Variants in SPG11 observed in about 807,000 individuals in gnomAD.
The protein encoded by SPG11 is spatacsin.
Under a neutral mutation model 274.0 loss-of-function variants are expected in SPG11, and 222 were observed. The observed-to-expected ratio is 0.81, with a 90% CI of 0.73 to 0.91. The LOEUF is 0.91. Ranked by LOEUF, SPG11 falls within the 40% of genes least tolerant of loss-of-function variation. The probability of loss-of-function intolerance (pLI) is 0.00; values close to 1 mark genes in which losing one functional copy is unlikely to be tolerated. For synonymous variants in SPG11, 1,144 were observed against 1,039.7 expected (o/e 1.10, Z -1.93); for missense variants, 3,114 against 2,872.7 (o/e 1.08, Z -1.92).
intron 7 of SPG11, among the ~76,000 whole-genome samples, chr15:44,640,559 A>C (rs889767745): frequency 3.3e-5 from 5 of 152,318 alleles, no homozygotes; most frequent in African/African-American, 1.2e-4. Flanking sequence ...GGCACCCCTG[A>C]AGAATAAGGG....
Position 44,652,200 on chromosome 15 carries a change from G to C in SPG11, c.936C>G (p.Gly312=), listed in dbSNP as rs771082349. The change falls in exon 5 of 40, where the codon GGC becomes GGG. Residue 312 remains glycine, a synonymous_variant. Coordinates refer to ENST00000261866, the MANE Select transcript of SPG11 (RefSeq NM_025137.4). ...AGTTAACAGGATCATCTTCATCTACGCCCTTAGGTCCTTGAATAGGAAGAT... is the reference window on the plus strand; with the variant it reads ...AGTTAACAGGATCATCTTCATCTACCCCCTTAGGTCCTTGAATAGGAAGAT... ...LEDLPIQGPK[G]VDEDDPVNSA... is the part of the protein sequence containing the mutation. 6 of 1,613,978 alleles carry C rather than the reference G, an allele frequency of 3.7e-6. No individual in the cohort carries two copies. Among genetic ancestry groups the C allele is most frequent in the Non-Finnish European group, 4.2e-6 (5 of 1,179,930 alleles).
chr15:44,563,076 C>G lies in SPG11; in HGVS notation c.*45G>C, dbSNP rs760183643. 8 of 1,580,058 alleles carry G rather than the reference C, an allele frequency of 5.1e-6. No individual in the cohort carries two copies. The highest frequency in any genetic ancestry group is 7.0e-6 in the Non-Finnish European group (8 of 1,149,768). On this transcript the variant is annotated 3_prime_UTR_variant, in exon 40 of 40. Coordinates refer to ENST00000261866, the MANE Select transcript of SPG11 (RefSeq NM_025137.4). The stretch of plus-strand genomic sequence containing the variant: ...GCATTCTTCTTCTCATCACATCTGT[C>G]AGAATCTGCTAACAGTACAAGAAAA...
rs1157164793 is a variant in SPG11, at chr15:44,584,529, G to A, written c.5151C>T (p.His1717=). The A allele has an allele frequency of 7.4e-6, 12 of 1,612,068 alleles. No individual in the cohort carries two copies. Among genetic ancestry groups the A allele is most frequent in the Non-Finnish European group, 1.0e-5 (12 of 1,180,014 alleles). The change falls in exon 30 of 40, where the codon CAC becomes CAT. Residue 1717 remains histidine, a synonymous_variant. Transcript: ENST00000261866. ...EITQEMQTLK[H]IEQWSLKQAR... ...CTTGTTTTAGTGACCACTGTTCAAT[G>A]TGTTTTAGGGTCTGCATTTCCTGTG...
In SPG11 at chr15:44,564,641, G is replaced by A; in HGVS notation, c.7057C>T (p.Gln2353Ter). ...AAGTCTCCTTTAAGAATCACTTGCT[G>A]GTATAAAATTTCAGCCCAATCTGGA... is the stretch of plus-strand genomic sequence containing the variant. ...FVPDWAEILY[Q>*]QVILKGDFNY... The change falls in exon 39 of 40, where the codon CAG (glutamine) becomes TAG (stop). Residue 2353 changes from glutamine (Q) to a stop codon, truncating the protein, a stop_gained. Coordinates refer to ENST00000261866, the MANE Select transcript of SPG11 (RefSeq NM_025137.4). LOFTEE classifies it high-confidence loss of function. 2.5e-6 allele frequency: 4 copies of A among 1,614,006 alleles called. No homozygotes were observed. Among genetic ancestry groups the A allele is most frequent in the Non-Finnish European group, 3.4e-6 (4 of 1,179,890 alleles).
Position 44,572,684 on chromosome 15 carries a change from G to C in SPG11, c.6342C>G (p.Cys2114Trp), listed in dbSNP as rs577055377. 6.2e-7 allele frequency: 1 copy of C among 1,614,118 alleles called. No individual in the cohort carries two copies. The highest frequency in any genetic ancestry group is 8.5e-7 in the Non-Finnish European group (1 of 1,180,010). ...GTAAGAAAAAGGTCAATAACTTACT[G>C]CAAGACAGTTCCCCATGGGGAACGG... is the stretch of plus-strand genomic sequence containing the variant. ...ISSVPHGELSCTTELLILAHH... is the reference protein window; with the variant it reads ...ISSVPHGELSWTTELLILAHH... The change falls in exon 33 of 40, where the codon TGC becomes TGG. Residue 2114 changes from cysteine (C) to tryptophan (W), a missense_variant and splice_region_variant. Cys to Trp is a radical substitution (Grantham distance 215, BLOSUM62 -2). Coordinates refer to ENST00000261866, the MANE Select transcript of SPG11 (RefSeq NM_025137.4).
At chr15:44,581,710 G>A (rs772295300) in intron 30 of SPG11, among the ~76,000 whole-genome samples, 9 of 151,752 alleles carry the variant, frequency 5.9e-5, no homozygotes, top group Non-Finnish European at 1.3e-4. Context: ...AAACCTCATT[G>A]TTTAATGAGG....
chr15:44,564,218 C>T (rs1157195690), intron 39 of SPG11, among the ~76,000 whole-genome samples: 1 of 152,170 alleles, frequency 6.6e-6, no homozygotes, highest in African/African-American at 2.4e-5. Flanking sequence ...GTCTCAAACT[C>T]CTGACCTCAA....
intron 36 of SPG11, 76 bp from the exon 37 acceptor site, chr15:44,566,381 T>C (rs1253682823): frequency 2.1e-5 from 30 of 1,429,882 alleles, no homozygotes; most frequent in Non-Finnish European, 2.6e-5. Context: ...ATTGTGATCG[T>C]GGCTAGAATA....
Position 44,606,097 on chromosome 15 carries a change from A to G in SPG11, c.3454-6T>C, listed in dbSNP as rs2140994495. On this transcript the variant is annotated splice_polypyrimidine_tract_variant and splice_region_variant and intron_variant, in intron 19 of 39. Transcript: ENST00000261866. The stretch of plus-strand genomic sequence containing the variant: ...GGATCAAAGGGTGATAATGACTGAA[A>G]AAGGGGAAAAGTTAAACAGAATTAG... 1 of 1,613,378 alleles carries G rather than the reference A, an allele frequency of 6.2e-7. No homozygotes were observed. Among genetic ancestry groups the G allele is most frequent in the South Asian group, 1.1e-5 (1 of 91,040 alleles).
intron 17 of SPG11, among the ~76,000 whole-genome samples, chr15:44,611,244 G>T (rs557093123): frequency 3.3e-5 from 5 of 152,004 alleles, no homozygotes; most frequent in African/African-American, 1.2e-4. Flanking sequence ...GAGAAAAATT[G>T]TAACAAATGA....
intron 34 of SPG11, among the ~76,000 whole-genome samples, 174 bp downstream of exon 34, chr15:44,570,349 CAG>C (rs2082396076): frequency 6.6e-6 from 1 of 152,172 alleles, no homozygotes; most frequent in Admixed American, 6.5e-5. Flanking sequence ...CTGATTCTGA[CAG>C]AAATGATAAC....
In SPG11 at chr15:44,629,226, T is replaced by C. The variant is rs2083988691; in HGVS notation, c.1891+7A>G. On this transcript the variant is annotated splice_region_variant and intron_variant, in intron 9 of 39. Coordinates refer to ENST00000261866, the MANE Select transcript of SPG11 (RefSeq NM_025137.4). ...AGAATTGCCCCCTTCCTAGCTGCTA[T>C]TCTTACCTTCAGTGTGAATGAAAAG... is the stretch of plus-strand genomic sequence containing the variant. 1.2e-6 allele frequency: 2 copies of C among 1,613,924 alleles called. No individual in the cohort carries two copies. The highest frequency in any genetic ancestry group is 1.7e-6 in the Non-Finnish European group (2 of 1,179,814).
At chr15:44,632,446 T>G (rs563179053) in intron 8 of SPG11, among the ~76,000 whole-genome samples, 1 of 152,160 alleles carries the variant, frequency 6.6e-6, no homozygotes, top group African/African-American at 2.4e-5. Context: ...GGCTTCCTAT[T>G]TATTAAAAAG....
chr15:44,630,034 G>T (rs747870369), intron 8 of SPG11, among the ~76,000 whole-genome samples: 4 of 151,456 alleles, frequency 2.6e-5, no homozygotes, highest in African/African-American at 9.7e-5. Flanking sequence ...TTGTGCCACC[G>T]TACTCCAGCA....
intron 7 of SPG11, among the ~76,000 whole-genome samples, chr15:44,640,325 G>A (rs1016076452): frequency 1.3e-5 from 2 of 152,102 alleles, no homozygotes; most frequent in Non-Finnish European, 2.9e-5. Context: ...TGGAAAAATT[G>A]TAAAAATTGT....
intron 7 of SPG11, among the ~76,000 whole-genome samples, chr15:44,637,857 A>G (rs909760682): frequency 6.6e-6 from 1 of 152,176 alleles, no homozygotes; most frequent in African/African-American, 2.4e-5. Flanking sequence ...CCTTCACGGT[A>G]TTCCAGAAAA....
At chr15:44,570,435 G>A (rs903612293) in intron 34 of SPG11, 90 bp downstream of exon 34, 17 of 1,550,438 alleles carry the variant, frequency 1.1e-5, no homozygotes, top group African/African-American at 1.1e-4. Context: ...AACCCCCTAC[G>A]ACTACATCAG....
intron 16 of SPG11, among the ~76,000 whole-genome samples, chr15:44,614,927 G>A (rs1037592759): frequency 3.3e-5 from 5 of 152,110 alleles, no homozygotes; most frequent in Non-Finnish European, 7.4e-5. Context: ...TTCTCTGTGC[G>A]TGTGTGTGTC....
At position 44,601,402 on chromosome 15, in the gene SPG11, A is replaced by C. The variant is rs547098980; in HGVS notation, c.3521-770T>G. On this transcript the variant is annotated intron_variant, in intron 20 of 39. Transcript: ENST00000261866. ...CAGCCTCCCAAGTAGCTGGGACCAC[A>C]GGTGCATGCCACCACACCCAGCTTT... 7.6e-4 allele frequency among the ~76,000 whole-genome samples: 116 copies of C among 152,038 alleles called. 1 individual carries two copies. The highest frequency in any genetic ancestry group is 2.7e-3 in the African/African-American group (111 of 41,486).
Sources: allele counts gnomAD v4.1 joint callset (sites outside exome capture counted in the v4.1 genomes callset), GRCh38; gene constraint gnomAD v4.1.1; transcripts MANE v1.5; gene names NCBI Gene and HGNC (gene_info 2026-07-23, HGNC 2026-07-21).